UNC13C: variants seen among roughly 807,000 people sequenced by gnomAD.
UNC13C encodes unc-13 homolog C.
UNC13C carries 174 observed loss-of-function variants against 245.4 expected under a neutral mutation model. The observed-to-expected ratio is 0.71, with a 90% confidence interval of 0.63 to 0.80. UNC13C has a LOEUF of 0.80. UNC13C is among the 30% of genes least tolerant of loss of function. The pLI is 0.00. For synonymous variants in UNC13C, 992 were observed against 895.1 expected (o/e 1.11, Z -1.93); for missense variants, 2,829 against 2,602.9 (o/e 1.09, Z -1.89).
chr15:54,613,842 T>C (rs1206322135), intron 30 of UNC13C, among the ~76,000 whole-genome samples: 1 of 151,932 alleles, frequency 6.6e-6, no homozygotes, highest in Non-Finnish European at 1.5e-5. Context: ...CTAGGAACTG[T>C]TTTAGGTAGT....
At chr15:54,250,539 G>A (rs892228936) in intron 8 of UNC13C, 95 bp downstream of exon 8, 2 of 1,191,268 alleles carry the variant, frequency 1.7e-6, no homozygotes, top group Admixed American at 2.8e-5. Flanking sequence ...TGGTTGTCAA[G>A]AAATCCTACC....
chr15:54,541,846 C>G (rs757285848), intron 26 of UNC13C, among the ~76,000 whole-genome samples: 1 of 151,954 alleles, frequency 6.6e-6, no homozygotes, highest in East Asian at 1.9e-4. Flanking sequence ...AATTTTTATT[C>G]TTGATTGAAA....
chr15:54,052,947 A>G (rs1897334757), intron 2 of UNC13C, among the ~76,000 whole-genome samples: 1 of 152,234 alleles, frequency 6.6e-6, no homozygotes, highest in African/African-American at 2.4e-5. Flanking sequence ...ATTACTTTGC[A>G]CCAACTTAAT....
At chr15:54,550,011 C>G (rs1480143966) in intron 28 of UNC13C, among the ~76,000 whole-genome samples, 1 of 152,090 alleles carries the variant, frequency 6.6e-6, no homozygotes, top group Non-Finnish European at 1.5e-5. Flanking sequence ...GAAAATGAAA[C>G]TCATCAAAGC....
chr15:54,226,253 C>G (rs1330423868), intron 4 of UNC13C, among the ~76,000 whole-genome samples: 1 of 152,154 alleles, frequency 6.6e-6, no homozygotes, highest in East Asian at 1.9e-4. Flanking sequence ...AGATATTGAC[C>G]TGAAGTTTTC....
chr15:54,253,487 A>G (rs149185347), intron 8 of UNC13C, among the ~76,000 whole-genome samples: 403 of 152,326 alleles, frequency 2.6e-3, no homozygotes, highest in African/African-American at 9.4e-3. Context: ...GAGAAAAGAG[A>G]CCTGATTTAT....
chr15:54,358,561 T>C, intron 17 of UNC13C, among the ~76,000 whole-genome samples: 1 of 151,256 alleles, frequency 6.6e-6, no homozygotes, highest in East Asian at 2.0e-4. Context: ...GTATCACTAT[T>C]TTATATTTTA....
chr15:54,073,497 AAC>A (rs1479042462), intron 2 of UNC13C, among the ~76,000 whole-genome samples: 2 of 152,196 alleles, frequency 1.3e-5, no homozygotes, highest in Non-Finnish European at 2.9e-5. Flanking sequence ...CACTCCCATC[AAC>A]AGTGTAAAAG....
chr15:54,406,251 A>G (rs562044467), intron 18 of UNC13C, among the ~76,000 whole-genome samples: 2 of 152,204 alleles, frequency 1.3e-5, no homozygotes, highest in Non-Finnish European at 1.5e-5. Flanking sequence ...GTAAACTTGG[A>G]AAAGCAGCAA....
intron 19 of UNC13C, among the ~76,000 whole-genome samples, chr15:54,454,001 A>G (rs1891330412): frequency 6.6e-6 from 1 of 152,192 alleles, no homozygotes; most frequent in Non-Finnish European, 1.5e-5. Context: ...GACATTTCAT[A>G]TAAATGCAAT....
chr15:54,013,127 T>A lies in UNC13C; in HGVS notation c.224T>A (p.Leu75Ter). 2 of 1,613,902 alleles carry A rather than the reference T, an allele frequency of 1.2e-6. No individual in the cohort carries two copies. The highest frequency in any genetic ancestry group is 1.7e-6 in the Non-Finnish European group (2 of 1,179,872). Residue 75 changes from leucine to a stop codon, truncating the protein, a stop_gained, in exon 2 of 33, where the codon TTA (leucine) becomes TAA (stop). Transcript: ENST00000260323. LOFTEE classifies it high-confidence loss of function. Reference sequence around the variant, plus strand: ...GCAAAGTGTTCATCCACTCACAACTTATCCACTGAGGAAGACGAGGCCAGT... The same window carrying A: ...GCAAAGTGTTCATCCACTCACAACTAATCCACTGAGGAAGACGAGGCCAGT... The part of the protein sequence containing the change: ...KIAKCSSTHN[L>*]STEEDEASKE...
chr15:54,042,970 G>A (rs1896877718), intron 2 of UNC13C, among the ~76,000 whole-genome samples: 2 of 152,032 alleles, frequency 1.3e-5, no homozygotes, highest in Admixed American at 6.5e-5. Flanking sequence ...TTGTCCTTAA[G>A]AAGCCCACTA....
intron 13 of UNC13C, among the ~76,000 whole-genome samples, chr15:54,304,076 G>A (rs528848151): frequency 1.3e-5 from 2 of 152,068 alleles, no homozygotes; most frequent in East Asian, 3.9e-4. Flanking sequence ...TAAAGGGCCA[G>A]ATAGTAAATA....
chr15:54,532,803 A>T, intron 25 of UNC13C, 114 bp from the exon 26 acceptor site: 1 of 696,544 alleles, frequency 1.4e-6, no homozygotes, highest in Non-Finnish European at 2.3e-6. Flanking sequence ...TCGAAAACTC[A>T]TGAGCAGGGG....
At chr15:54,147,789 CGT>C (rs56353727) in intron 4 of UNC13C, among the ~76,000 whole-genome samples, 1 of 147,476 alleles carries the variant, frequency 6.8e-6, no homozygotes, top group African/African-American at 2.5e-5. Flanking sequence ...AAGGTGTGTG[CGT>C]GTGTGTGTGT....
chr15:54,627,269 C>A lies in UNC13C; in HGVS notation c.*156C>A, dbSNP rs537553573. On this transcript the variant is annotated 3_prime_UTR_variant, in exon 33 of 33. Transcript: ENST00000260323. ...GTAAAAAACCTGCTGAACTTTTATA[C>A]CAATTCTGGTCTTTGGGAAATCAGT... 13 of 717,690 alleles carry A rather than the reference C, an allele frequency of 1.8e-5. No individual in the cohort carries two copies. The East Asian group carries it at 2.5e-4, about 14-fold the overall frequency. The allele number at this position is 717,690 out of a possible 1,614,324, so 44.5% of individuals were successfully genotyped here.
chr15:54,109,039 C>T (rs1280556594), intron 2 of UNC13C, among the ~76,000 whole-genome samples: 1 of 152,070 alleles, frequency 6.6e-6, no homozygotes, highest in East Asian at 1.9e-4. Flanking sequence ...TTCCTGTACT[C>T]ACTACCTGCC....
chr15:53,842,619 G>C, the UNC13C span, among the ~76,000 whole-genome samples: 2 of 152,074 alleles, frequency 1.3e-5, no homozygotes, highest in African/African-American at 4.8e-5. Flanking sequence ...TTAGGTGGTA[G>C]GATATAACTC....
At chr15:54,242,574 C>A (rs1324099551) in intron 7 of UNC13C, among the ~76,000 whole-genome samples, 1 of 152,014 alleles carries the variant, frequency 6.6e-6, no homozygotes, top group African/African-American at 2.4e-5. Context: ...TCCATATTAT[C>A]TCCTTGTTTT....
Sources: allele counts gnomAD v4.1 joint callset (sites outside exome capture counted in the v4.1 genomes callset), GRCh38; gene constraint gnomAD v4.1.1; transcripts MANE v1.5; gene names NCBI Gene and HGNC (gene_info 2026-07-23, HGNC 2026-07-21).